CPS1: variants seen among roughly 807,000 people sequenced by gnomAD.
CPS1 encodes carbamoyl-phosphate synthase 1.
Under a neutral mutation model 174.6 loss-of-function variants are expected in CPS1, and 109 were observed. The ratio of observed to expected loss-of-function variants is 0.62; its 90% CI spans 0.53 to 0.73. CPS1 has a LOEUF of 0.73. Ranked by LOEUF, CPS1 falls within the 30% of genes least tolerant of loss-of-function variation. The probability of loss-of-function intolerance (pLI) is 0.00; values close to 1 mark genes in which losing one functional copy is unlikely to be tolerated. For missense variants in CPS1, 1,689 were observed against 1,821.9 expected (o/e 0.93, Z 1.33); for synonymous variants, 637 against 632.0 (o/e 1.01, Z -0.12).
At chr2:210,551,643 C>A (rs1268251241), upstream of CPS1, among the ~76,000 whole-genome samples, 3 of 151,860 alleles carry the variant, frequency 2.0e-5, no homozygotes, top group Non-Finnish European at 4.4e-5. Flanking sequence ...TTTACAAGGT[C>A]TCTTTTCCAG....
intron 29 of CPS1, among the ~76,000 whole-genome samples, chr2:210,655,950 C>G (rs1700691054): frequency 1.3e-5 from 2 of 152,308 alleles, no homozygotes; most frequent in Admixed American, 1.3e-4. Context: ...AATCCTAACT[C>G]AGTCACATAC....
rs1701173335 is a variant in CPS1 at position 210,668,294 on chromosome 2, T to C, written c.4101+10T>C. ...CCTGATAGGCATCCAGGTAAGTGGT[T>C]TGTGGCTGTGTGCTTGCCCATGGTC... On this transcript the variant is annotated intron_variant, in intron 34 of 37. Transcript: ENST00000233072. 2 of 1,594,634 alleles carry C rather than the reference T, an allele frequency of 1.3e-6. No homozygotes were observed. The highest frequency in any genetic ancestry group is 1.7e-6 in the Non-Finnish European group (2 of 1,162,418).
chr2:210,515,331 G>A (rs1228212825), intron 1 of CPS1, among the ~76,000 whole-genome samples: 1 of 136,524 alleles, frequency 7.3e-6, no homozygotes, highest in East Asian at 2.1e-4. Flanking sequence ...TTGCTGTAGA[G>A]CTTTTTTTGG....
At position 210,605,129 on chromosome 2, in the gene CPS1, G is replaced by T; in HGVS notation, c.1864G>T (p.Val622Leu). The T allele has an allele frequency of 6.2e-7, 1 of 1,612,022 alleles. No homozygotes were observed. Among genetic ancestry groups the T allele is most frequent in the Non-Finnish European group, 8.5e-7 (1 of 1,178,702 alleles). ...CTTTGCTATGACCAACCAAATTCTG[G>T]TGGAGAAGTCAGTGACAGGTTGGAA... is the stretch of plus-strand genomic sequence containing the variant. ...KAFAMTNQIL[V>L]EKSVTGWKEI... The change falls in exon 17 of 38, where the codon GTG becomes TTG. Residue 622 changes from valine to leucine, a missense_variant. By Grantham distance (32) the Val-to-Leu change is conservative (BLOSUM62 1). Coordinates refer to ENST00000233072, the MANE Select transcript of CPS1 (RefSeq NM_001875.5).
intron 28 of CPS1, among the ~76,000 whole-genome samples, chr2:210,651,707 T>G (rs1179872935): frequency 7.9e-5 from 12 of 152,196 alleles, no homozygotes; most frequent in Non-Finnish European, 1.5e-4. Flanking sequence ...AATAGAGATG[T>G]TGTGATTGAG....
intron 2 of CPS1, among the ~76,000 whole-genome samples, chr2:210,575,203 C>T (rs559892608): frequency 1.6e-4 from 24 of 152,124 alleles, no homozygotes; most frequent in Middle Eastern, 3.4e-3. Flanking sequence ...TTCTGGTAGG[C>T]GTTAGTCTGG....
At chr2:210,589,862 C>T (rs1010686973) in intron 7 of CPS1, among the ~76,000 whole-genome samples, 1 of 151,728 alleles carries the variant, frequency 6.6e-6, no homozygotes, top group Non-Finnish European at 1.5e-5. Context: ...GTTTCCCAGG[C>T]TAGTCTTGAC....
At chr2:210,646,737 A>G (rs2105906410) in intron 25 of CPS1, among the ~76,000 whole-genome samples, 1 of 152,238 alleles carries the variant, frequency 6.6e-6, no homozygotes, top group African/African-American at 2.4e-5. Flanking sequence ...CTAATTTTAT[A>G]CACAAGAAGA....
intron 3 of CPS1, 148 bp from the exon 4 acceptor site, chr2:210,577,273 G>A: frequency 1.5e-6 from 1 of 678,108 alleles, no homozygotes; most frequent in Non-Finnish European, 2.6e-6. Context: ...GAAGGGCATT[G>A]ATTTTTTTTT....
chr2:210,569,846 C>T (rs919504222), intron 1 of CPS1, among the ~76,000 whole-genome samples: 1 of 151,916 alleles, frequency 6.6e-6, no homozygotes, highest in African/African-American at 2.4e-5. Flanking sequence ...TTCCTTTGTA[C>T]TTCCCCTTTT....
chr2:210,491,496 G>A (rs922821958), intron 1 of CPS1, among the ~76,000 whole-genome samples: 25 of 151,848 alleles, frequency 1.6e-4, no homozygotes, highest in Non-Finnish European at 2.8e-4. Flanking sequence ...TGTATTTTTA[G>A]TAGAGATGGG....
At chr2:210,500,298 C>G (rs558102366) in intron 1 of CPS1, among the ~76,000 whole-genome samples, 67 of 152,250 alleles carry the variant, frequency 4.4e-4, no homozygotes, top group African/African-American at 1.5e-3. Context: ...CTCATGTCCT[C>G]AAATTTCAAA....
At chr2:210,544,233 T>A (rs1452373064) in intron 1 of CPS1, among the ~76,000 whole-genome samples, 1 of 152,128 alleles carries the variant, frequency 6.6e-6, no homozygotes, top group Non-Finnish European at 1.5e-5. Context: ...TCAGTCCATG[T>A]CAGTAGGTAC....
chr2:210,510,857 C>T lies in CPS1; in HGVS notation c.3+33091C>T, dbSNP rs374447747. Among the ~76,000 whole-genome samples the T allele has an allele frequency of 4.6e-3, 707 of 152,200 alleles. 5 individuals are homozygous for T. The highest frequency in any genetic ancestry group is 7.5e-3 in the Non-Finnish European group (509 of 68,006). ...TACCATCTCACACCAGTTAGAATGG[C>T]GATCATTAAGAAGTCAGGAAACAAC... On this transcript the variant is annotated intron_variant, in intron 1 of 38. Transcript: ENST00000430249.
intron 1 of CPS1, among the ~76,000 whole-genome samples, chr2:210,512,460 G>T (rs375088105): frequency 6.6e-6 from 1 of 151,766 alleles, no homozygotes; most frequent in South Asian, 2.1e-4. Flanking sequence ...GCAGTATTTG[G>T]TTTTTTGTTC....
intron 1 of CPS1, among the ~76,000 whole-genome samples, chr2:210,511,167 G>C (rs1695478419): frequency 6.6e-6 from 1 of 152,154 alleles, no homozygotes; most frequent in South Asian, 2.1e-4. Context: ...TTAAGAAAAT[G>C]TGGCACATAT....
intron 1 of CPS1, among the ~76,000 whole-genome samples, chr2:210,490,596 C>G (rs554891491): frequency 1.3e-5 from 2 of 152,158 alleles, no homozygotes; most frequent in African/African-American, 2.4e-5. Context: ...TGTGGGGGGA[C>G]AGTGAAGGAC....
At chr2:210,535,819 G>GTTTTTT (rs67369344) in intron 1 of CPS1, among the ~76,000 whole-genome samples, 15 of 118,210 alleles carry the variant, frequency 1.3e-4, no homozygotes, top group Non-Finnish European at 2.2e-4. Context: ...CTTTTTCCTT[G>GTTTTTT]TTTTTTTTTT....
intron 1 of CPS1, among the ~76,000 whole-genome samples, chr2:210,518,266 G>A (rs1469321623): frequency 6.6e-6 from 1 of 151,976 alleles, no homozygotes; most frequent in Non-Finnish European, 1.5e-5. Flanking sequence ...GGGAGAGATA[G>A]TATTGCTGGG....
Sources: allele counts gnomAD v4.1 joint callset (sites outside exome capture counted in the v4.1 genomes callset), GRCh38; gene constraint gnomAD v4.1.1; transcripts MANE v1.5; gene names NCBI Gene and HGNC (gene_info 2026-07-23, HGNC 2026-07-21).